The following MYO5A variants were observed in gnomAD, a reference collection of about 807,000 sequenced individuals.
MYO5A encodes myosin VA.
A neutral mutation model predicts 249.7 loss-of-function variants in MYO5A; 98 were observed. That is an observed-to-expected ratio of 0.39 (90% CI 0.33 to 0.46). The LOEUF (loss-of-function observed/expected upper bound fraction) is 0.46, where lower values mean the gene tolerates loss of function less well. Ranked by LOEUF, MYO5A falls within the 20% of genes least tolerant of loss-of-function variation. The pLI is 0.98. For synonymous variants in MYO5A, 778 were observed against 810.6 expected (o/e 0.96, Z 0.68); for missense variants, 1,696 against 2,308.8 (o/e 0.73, Z 5.44).
chr15:52,348,937 A>G, intron 28 of MYO5A, 111 bp from the exon 29 acceptor site: 1 of 1,177,700 alleles, frequency 8.5e-7, no homozygotes, highest in East Asian at 2.5e-5. Flanking sequence ...AGCTAATTTA[A>G]AAACAGCCAT....
At chr15:52,483,306 T>G (rs903727179) in intron 1 of MYO5A, among the ~76,000 whole-genome samples, 1 of 152,192 alleles carries the variant, frequency 6.6e-6, no homozygotes, top group Non-Finnish European at 1.5e-5. Flanking sequence ...GGCCTCCCCT[T>G]GTCCAATCAG....
chr15:52,337,513 T>G (rs143147520), intron 33 of MYO5A, among the ~76,000 whole-genome samples: 4 of 152,362 alleles, frequency 2.6e-5, no homozygotes, highest in Middle Eastern at 6.8e-3. Flanking sequence ...AAGGGAACAG[T>G]TGCTATCTCT....
At chr15:52,363,919 T>C (rs1340809624) in intron 24 of MYO5A, among the ~76,000 whole-genome samples, 2 of 152,216 alleles carry the variant, frequency 1.3e-5, no homozygotes, top group African/African-American at 4.8e-5. Context: ...ATGTAAATTT[T>C]ACATTAGGCC....
At chr15:52,504,707 T>A (rs2077230189) in intron 1 of MYO5A, among the ~76,000 whole-genome samples, 1 of 152,048 alleles carries the variant, frequency 6.6e-6, no homozygotes, top group Non-Finnish European at 1.5e-5. Flanking sequence ...CAAGACCAGA[T>A]GGTGAAACCC....
Position 52,308,206 on chromosome 15 carries a change from A to G in MYO5A, c.*5490T>C, listed in dbSNP as rs746669172. The G allele has an allele frequency of 2.6e-4, 39 of 152,246 alleles. No homozygotes were observed. Among genetic ancestry groups the G allele is most frequent in the Non-Finnish European group, 5.3e-4 (36 of 68,034 alleles). 9.4% of individuals were successfully genotyped at this position (152,246 alleles called of 1,614,324 possible). On this transcript the variant is annotated 3_prime_UTR_variant, in exon 42 of 42. Transcript: ENST00000399233. ...TAACGCCCATTAAGTTAAGCTAACGAACATTTTAGATAGACCAAATTACAA... is the reference window on the plus strand; with the variant it reads ...TAACGCCCATTAAGTTAAGCTAACGGACATTTTAGATAGACCAAATTACAA...
At chr15:52,444,831 T>C (rs941722799) in intron 1 of MYO5A, among the ~76,000 whole-genome samples, 1 of 152,192 alleles carries the variant, frequency 6.6e-6, no homozygotes, top group African/African-American at 2.4e-5. Flanking sequence ...AAAGAAGTCA[T>C]GGGTAATTTT....
At chr15:52,461,350 G>A (rs2076245131) in intron 1 of MYO5A, among the ~76,000 whole-genome samples, 1 of 152,156 alleles carries the variant, frequency 6.6e-6, no homozygotes, top group African/African-American at 2.4e-5. Flanking sequence ...ATTTTTTACA[G>A]CAAACATTGC....
intron 36 of MYO5A, among the ~76,000 whole-genome samples, chr15:52,327,040 T>G (rs549742915): frequency 6.6e-6 from 1 of 152,320 alleles, no homozygotes; most frequent in South Asian, 2.1e-4. Context: ...AGCATCTGTG[T>G]GTTGCTTCCC....
At position 52,379,660 on chromosome 15, in the gene MYO5A, G is replaced by A; in HGVS notation, c.2173C>T (p.Gln725Ter). 1 of 1,614,132 alleles carries A rather than the reference G, an allele frequency of 6.2e-7. No homozygotes were observed. The highest frequency in any genetic ancestry group is 8.5e-7 in the Non-Finnish European group (1 of 1,179,990). Reference protein sequence around the residue: ...KQKDVLSDRKQTCKNVLEKLI... With the variant: ...KQKDVLSDRK ...TTCTCTAACACATTCTTGCATGTTTGCTTTCTGTCACTCAGCACATCTTTC... is the reference window on the plus strand; with the variant it reads ...TTCTCTAACACATTCTTGCATGTTTACTTTCTGTCACTCAGCACATCTTTC... Residue 725 changes from glutamine to a stop codon, truncating the protein, a stop_gained, in exon 18 of 42, where the codon CAA becomes TAA. Coordinates refer to ENST00000399233, the MANE Select transcript of MYO5A (RefSeq NM_001382347.1). LOFTEE classifies it high-confidence loss of function.
At chr15:52,463,710 A>C (rs2076298163) in intron 1 of MYO5A, among the ~76,000 whole-genome samples, 2 of 152,202 alleles carry the variant, frequency 1.3e-5, no homozygotes, top group South Asian at 4.1e-4. Flanking sequence ...TTGACCTGTG[A>C]ATTACTTATC....
chr15:52,524,009 C>T (rs2077678612), intron 1 of MYO5A, among the ~76,000 whole-genome samples: 1 of 152,186 alleles, frequency 6.6e-6, no homozygotes, highest in Non-Finnish European at 1.5e-5. Flanking sequence ...CAGAAAAAAT[C>T]TAGGCCATGT....
intron 5 of MYO5A, among the ~76,000 whole-genome samples, chr15:52,414,311 G>A (rs1252324630): frequency 6.6e-6 from 1 of 152,166 alleles, no homozygotes; most frequent in African/African-American, 2.4e-5. Context: ...ACAGAACCAT[G>A]AGCTAAATAA....
chr15:52,365,396 A>G (rs1370823814), intron 23 of MYO5A, among the ~76,000 whole-genome samples: 2 of 152,208 alleles, frequency 1.3e-5, no homozygotes, highest in Non-Finnish European at 2.9e-5. Context: ...TGGCTAGGAC[A>G]TGATCTGGAG....
intron 1 of MYO5A, among the ~76,000 whole-genome samples, chr15:52,524,451 A>G (rs1249654716): frequency 6.6e-6 from 1 of 151,924 alleles, no homozygotes; most frequent in African/African-American, 2.4e-5. Context: ...CTACCCAGGA[A>G]GGTGAGGTGG....
intron 9 of MYO5A, among the ~76,000 whole-genome samples, chr15:52,399,580 T>C (rs2042652641): frequency 6.6e-6 from 1 of 151,750 alleles, no homozygotes; most frequent in African/African-American, 2.4e-5. Context: ...TTTTCTAAAC[T>C]TTTTTTTTCA....
intron 34 of MYO5A, among the ~76,000 whole-genome samples, chr15:52,333,541 A>G (rs10467925): frequency 0.48 from 73,142 of 152,056 alleles, 21,036 homozygotes; most frequent in Non-Finnish European, 0.62. Context: ...CTCTTATGAA[A>G]TAACTAATTG....
At chr15:52,411,578 T>C (rs2043251022) in intron 5 of MYO5A, among the ~76,000 whole-genome samples, 1 of 151,460 alleles carries the variant, frequency 6.6e-6, no homozygotes, top group African/African-American at 2.4e-5. Context: ...AGTGTTTACA[T>C]AATGCATATA....
chr15:52,459,146 A>ATTTTTTTTTTTTTTTTTTTTT (rs199923318), intron 1 of MYO5A, among the ~76,000 whole-genome samples: 1 of 49,056 alleles, frequency 2.0e-5, no homozygotes, highest in African/African-American at 5.7e-5. Flanking sequence ...ATTTTCCAGA[A>ATTTTTTTTTTTTTTTTTTTTT]ATTTTTTTTT....
Position 52,339,634 on chromosome 15 carries a change from C to T in MYO5A, c.4239+562G>A, listed in dbSNP as rs1310184642. Among the ~76,000 whole-genome samples, 3 of 152,160 alleles carry T rather than the reference C, an allele frequency of 2.0e-5. No homozygotes were observed. In the East Asian group the frequency reaches 5.8e-4, roughly 29 times the overall value. On this transcript the variant is annotated intron_variant, in intron 32 of 41. Transcript: ENST00000399233. ...AATTTCCTCACTTGTTATACAAGTT[C>T]TGTTTAAAAGAACAGAAAATATGTA...
Sources: gnomAD v4.1 joint callset for allele counts (sites outside exome capture counted in the v4.1 genomes callset) on GRCh38, gnomAD v4.1.1 for gene constraint, MANE v1.5 for transcripts, NCBI Gene and HGNC (gene_info 2026-07-23, HGNC 2026-07-21) for gene names.